SLC9A9: variants seen among roughly 807,000 people sequenced by gnomAD.
The protein encoded by SLC9A9 is sodium/hydrogen exchanger 9.
In SLC9A9, 62 loss-of-function variants were observed where a neutral mutation model predicts 77.8. The observed-to-expected ratio is 0.80, with a 90% CI of 0.65 to 0.98. SLC9A9 has a LOEUF of 0.98. SLC9A9 is among the 50% of genes least tolerant of loss of function. The pLI, the probability that SLC9A9 is intolerant of heterozygous loss-of-function variation, is 0.00. For synonymous variants in SLC9A9, 320 were observed against 283.5 expected, an observed-to-expected ratio of 1.13 and a Z score of -1.29; for missense variants, 775 against 774.9, an observed-to-expected ratio of 1.00 and a Z score of 0.00.
intron 9 of SLC9A9, among the ~76,000 whole-genome samples, chr3:143,536,411 C>T (rs914990463): frequency 2.0e-5 from 3 of 152,208 alleles, no homozygotes; most frequent in South Asian, 2.1e-4. Flanking sequence ...CTAATTTTCA[C>T]TAACTGGCAC....
chr3:143,804,071 A>T (rs1392750275), intron 2 of SLC9A9, among the ~76,000 whole-genome samples: 2 of 152,138 alleles, frequency 1.3e-5, no homozygotes, highest in Admixed American at 1.3e-4. Flanking sequence ...CGTATCTCTC[A>T]GCAAAGACCC....
chr3:143,437,047 C>T (rs191186501), intron 12 of SLC9A9, among the ~76,000 whole-genome samples: 15 of 152,368 alleles, frequency 9.8e-5, no homozygotes, highest in Admixed American at 9.1e-4. Context: ...TAACATCTCA[C>T]ATTTTTGTGA....
intron 11 of SLC9A9, among the ~76,000 whole-genome samples, chr3:143,484,545 G>C (rs1041542988): frequency 6.6e-6 from 1 of 152,154 alleles, no homozygotes; most frequent in Non-Finnish European, 1.5e-5. Flanking sequence ...ACCTGATGGG[G>C]GTCAATGGGT....
chr3:143,496,892 G>A (rs995522088), intron 9 of SLC9A9, among the ~76,000 whole-genome samples: 4 of 152,144 alleles, frequency 2.6e-5, no homozygotes, highest in African/African-American at 9.7e-5. Flanking sequence ...CAAAATCAAG[G>A]TGCCAGCTGA....
In SLC9A9 at chr3:143,718,362, G is replaced by A. The variant is rs539981380; in HGVS notation, c.534-25055C>T. Among the ~76,000 whole-genome samples, 35 of 152,188 alleles carry A rather than the reference G, an allele frequency of 2.3e-4. 2 individuals are homozygous for A. In the South Asian group the frequency reaches 6.8e-3, roughly 30 times the overall value. The stretch of plus-strand genomic sequence containing the variant: ...TTTGAGAAGAAACTCAGGGGAAAAT[G>A]TTTTCTTTGCATACTTGTTTCATGA... On this transcript the variant is annotated intron_variant, in intron 4 of 15. Coordinates refer to ENST00000316549, the MANE Select transcript of SLC9A9 (RefSeq NM_173653.4).
chr3:143,724,269 CCCCTT>C (rs1934582194), intron 4 of SLC9A9, among the ~76,000 whole-genome samples: 1 of 152,190 alleles, frequency 6.6e-6, no homozygotes, highest in Non-Finnish European at 1.5e-5. Flanking sequence ...CGCTCTCTCT[CCCCTT>C]CCACCATGTC....
intron 6 of SLC9A9, among the ~76,000 whole-genome samples, chr3:143,591,767 C>A (rs2037648713): frequency 6.6e-6 from 1 of 152,174 alleles, no homozygotes; most frequent in East Asian, 1.9e-4. Flanking sequence ...TAGGGCCCTG[C>A]ATGCTGGAGC....
chr3:143,633,599 G>A (rs1029273263), intron 6 of SLC9A9, among the ~76,000 whole-genome samples: 14 of 151,936 alleles, frequency 9.2e-5, no homozygotes, highest in African/African-American at 3.4e-4. Flanking sequence ...AAATATCTTT[G>A]TTGATGTAAG....
chr3:143,677,680 T>C (rs1338421652), intron 5 of SLC9A9, among the ~76,000 whole-genome samples: 1 of 152,222 alleles, frequency 6.6e-6, no homozygotes, highest in Admixed American at 6.5e-5. Context: ...TTACTTGGTA[T>C]TATAATTGTT....
At chr3:143,458,990 T>C (rs143035450) in intron 12 of SLC9A9, among the ~76,000 whole-genome samples, 1 of 152,246 alleles carries the variant, frequency 6.6e-6, no homozygotes, top group African/African-American at 2.4e-5. Flanking sequence ...AATCTTCAAG[T>C]TCACGGAATC....
chr3:143,817,955 C>G (rs1045165103), intron 2 of SLC9A9, among the ~76,000 whole-genome samples: 17 of 152,000 alleles, frequency 1.1e-4, no homozygotes, highest in African/African-American at 3.9e-4. Flanking sequence ...AAAAGTCTGA[C>G]AGAAGGCTTA....
intron 11 of SLC9A9, among the ~76,000 whole-genome samples, chr3:143,480,698 A>T (rs1170230848): frequency 6.6e-6 from 1 of 152,232 alleles, no homozygotes; most frequent in Non-Finnish European, 1.5e-5. Flanking sequence ...AAATGGAGAA[A>T]GTCCTGACCT....
intron 12 of SLC9A9, among the ~76,000 whole-genome samples, chr3:143,436,139 GAC>G (rs1455136028): frequency 6.6e-6 from 1 of 152,080 alleles, no homozygotes; most frequent in African/African-American, 2.4e-5. Flanking sequence ...TACCTGTCCG[GAC>G]ATCAGGGCTG....
chr3:143,445,284 G>C (rs2034822928), intron 12 of SLC9A9, among the ~76,000 whole-genome samples: 1 of 152,096 alleles, frequency 6.6e-6, no homozygotes, highest in South Asian at 2.1e-4. Flanking sequence ...AGTCCTTTGA[G>C]GACATGCATG....
At chr3:143,594,724 C>T (rs73001769) in intron 6 of SLC9A9, among the ~76,000 whole-genome samples, 3,722 of 151,984 alleles carry the variant, frequency 0.024, 144 homozygotes, top group African/African-American at 0.085. Context: ...CTTGTATCTG[C>T]ACATTTTCTT....
At chr3:143,369,040 A>C (rs1428860724) in intron 13 of SLC9A9, among the ~76,000 whole-genome samples, 1 of 152,180 alleles carries the variant, frequency 6.6e-6, no homozygotes, top group Non-Finnish European at 1.5e-5. Context: ...AGAGAAAAAA[A>C]CTGAGACAAC....
At position 143,399,008 on chromosome 3, in the gene SLC9A9, T is replaced by C. The variant is rs7631694; in HGVS notation, c.1470-16894A>G. On this transcript the variant is annotated intron_variant, in intron 12 of 15. Transcript: ENST00000316549. ...GATTTGTTGTATACACACACACACATACACACACATACATATATATGTACA... is the reference window on the plus strand; with the variant it reads ...GATTTGTTGTATACACACACACACACACACACACATACATATATATGTACA... Among the ~76,000 whole-genome samples, 417 of 43,510 alleles carry C rather than the reference T, an allele frequency of 9.6e-3. 1 individual carries two copies. The highest frequency in any genetic ancestry group is 0.036 in the African/African-American group (286 of 8,018). The allele number at this position is 43,510 out of a possible 152,430, so 28.5% of individuals were successfully genotyped here.
chr3:143,793,076 TA>T (rs2008269245), intron 4 of SLC9A9, among the ~76,000 whole-genome samples: 1 of 152,218 alleles, frequency 6.6e-6, no homozygotes, highest in Non-Finnish European at 1.5e-5. Flanking sequence ...AACACCGTTC[TA>T]AAATTTTTCT....
intron 6 of SLC9A9, among the ~76,000 whole-genome samples, chr3:143,614,954 G>A (rs2038079763): frequency 6.6e-6 from 1 of 152,134 alleles, no homozygotes; most frequent in Non-Finnish European, 1.5e-5. Context: ...TGGTCCTCTT[G>A]CAAATAAGAA....
Sources: allele counts gnomAD v4.1 joint callset (sites outside exome capture counted in the v4.1 genomes callset), GRCh38; gene constraint gnomAD v4.1.1; transcripts MANE v1.5; gene names NCBI Gene and HGNC (gene_info 2026-07-23, HGNC 2026-07-21).